Variants in MMP20 observed in about 807,000 individuals in gnomAD.
The protein encoded by MMP20 is matrix metallopeptidase 20.
MMP20 carries 50 observed loss-of-function variants against 51.8 expected under a neutral mutation model. The observed-to-expected ratio is 0.97, with a 90% CI of 0.77 to 1.22. The LOEUF is 1.22. Among genes scored for constraint, MMP20 ranks in the 50% most tolerant of loss-of-function variants. MMP20 has a pLI of 0.00. For missense variants in MMP20, 663 were observed against 601.4 expected, an observed-to-expected ratio of 1.10 and a Z score of -1.07; for synonymous variants, 244 against 216.2, an observed-to-expected ratio of 1.13 and a Z score of -1.13.
rs1289109724 is a variant in MMP20, at chr11:102,609,048, G to A, written c.700C>T (p.Leu234=). 1.9e-6 allele frequency: 3 copies of A among 1,613,474 alleles called. No individual in the cohort carries two copies. The highest frequency in any genetic ancestry group is 3.3e-5 in the Admixed American group (2 of 60,000). ...GCTGATGGGTCTGTGGAATGGGCCA[G>A]GCCCAGGGCATGGCCAAATTCATGA... ...AAHEFGHALG[L]AHSTDPSALM... The change falls in exon 5 of 10, where the codon CTG becomes TTG. Residue 234 remains leucine, a synonymous_variant. Transcript: ENST00000260228.
chr11:102,616,871 C>G lies in MMP20; in HGVS notation c.315G>C (p.Val105=). Residue 105 remains valine (V), a synonymous_variant, in exon 2 of 10, where the codon GTG becomes GTC. Transcript: ENST00000260228. The part of the protein sequence containing the change: ...IKKPRCGVPD[V]ANYRLFPGEP... The stretch of plus-strand genomic sequence containing the variant: ...CACCAGGGAAGAGGCGATAATTGGC[C>G]ACATCAGGAACTCCACAGCGAGGCT... 2 of 1,614,128 alleles carry G rather than the reference C, an allele frequency of 1.2e-6. No homozygotes were observed. Among genetic ancestry groups the G allele is most frequent in the South Asian group, 2.2e-5 (2 of 91,082 alleles).
intron 2 of MMP20, among the ~76,000 whole-genome samples, chr11:102,613,416 G>A (rs983337377): frequency 6.6e-6 from 1 of 152,172 alleles, no homozygotes; most frequent in Non-Finnish European, 1.5e-5. Flanking sequence ...GCACATAGCA[G>A]ATGCTTAGCA....
Position 102,579,093 on chromosome 11 carries a change from CA to C in MMP20, c.1296del (p.Glu433LysfsTer7). 1 of 1,613,842 alleles carries C rather than the reference CA, an allele frequency of 6.2e-7. No homozygotes were observed. Among genetic ancestry groups the C allele is most frequent in the Non-Finnish European group, 8.5e-7 (1 of 1,179,796 alleles). ...CCATTTACTCCTGAAAATTCTTCTT[CA>C]GTATTCTTTGGATAGTCTTTTTCCA... ...RKMEKDYPKN[T>X]EEEFSGVNGQ... On this transcript the variant is annotated frameshift_variant, in exon 9 of 10. Coordinates refer to ENST00000260228, the MANE Select transcript of MMP20 (RefSeq NM_004771.4). LOFTEE classifies it high-confidence loss of function.
rs1390598597 is a variant in MMP20, at chr11:102,611,957, A to C, written c.375-54T>G. 1.9e-6 allele frequency: 3 copies of C among 1,538,490 alleles called. No individual in the cohort carries two copies. In the African/African-American group the frequency reaches 4.1e-5, roughly 21 times the overall value. On this transcript the variant is annotated intron_variant, in intron 2 of 9. Coordinates refer to ENST00000260228, the MANE Select transcript of MMP20 (RefSeq NM_004771.4). ...TTTCAGTAACTGCTCCGAAGAAGGC[A>C]AGAATTATATGTTGTATTCAAAAAA...
At chr11:102,593,230 T>C (rs1859337854) in intron 8 of MMP20, among the ~76,000 whole-genome samples, 1 of 152,312 alleles carries the variant, frequency 6.6e-6, no homozygotes, top group Non-Finnish European at 1.5e-5. Flanking sequence ...GACCAAACAA[T>C]GGGATTATTG....
chr11:102,607,757 T>G (rs1014208653), intron 5 of MMP20: 4 of 151,974 alleles, frequency 2.6e-5, no homozygotes, highest in African/African-American at 9.7e-5. Flanking sequence ...ACAGTGGCCA[T>G]CCGAAGGCAG....
At chr11:102,588,956 C>A (rs976216232) in intron 8 of MMP20, among the ~76,000 whole-genome samples, 3 of 152,288 alleles carry the variant, frequency 2.0e-5, no homozygotes, top group Non-Finnish European at 4.4e-5. Context: ...AGTCTCGTTT[C>A]CCTCTAATTC....
intron 5 of MMP20, 56 bp downstream of exon 5, chr11:102,608,881 G>A (rs767890964): frequency 2.4e-5 from 38 of 1,563,244 alleles, no homozygotes; most frequent in Non-Finnish European, 3.3e-5. Context: ...CTTTAATTCG[G>A]AGACTGAATG....
Position 102,577,434 on chromosome 11 carries a change from A to C in MMP20, c.1352-8T>G. On this transcript the variant is annotated splice_polypyrimidine_tract_variant and splice_region_variant and intron_variant, in intron 9 of 9. Coordinates refer to ENST00000260228, the MANE Select transcript of MMP20 (RefSeq NM_004771.4). ...AAAAGAAGTAAATGTAGCCTAAAAG[A>C]GACAAAGTTGAAATTGGGTTACTGA... 6.3e-7 allele frequency: 1 copy of C among 1,598,246 alleles called. No homozygotes were observed. The highest frequency in any genetic ancestry group is 8.6e-7 in the Non-Finnish European group (1 of 1,165,618).
At chr11:102,586,294 T>C (rs928565993) in intron 8 of MMP20, among the ~76,000 whole-genome samples, 47 of 152,214 alleles carry the variant, frequency 3.1e-4, no homozygotes, top group African/African-American at 1.0e-3. Context: ...TCTTTGTGGA[T>C]AGTTTTTGAT....
At chr11:102,581,651 A>C (rs1479524346) in intron 8 of MMP20, among the ~76,000 whole-genome samples, 1 of 152,234 alleles carries the variant, frequency 6.6e-6, no homozygotes, top group African/African-American at 2.4e-5. Context: ...AGGACATGAA[A>C]TACAGCTTCA....
At chr11:102,600,863 T>C (rs1591615399) in intron 6 of MMP20, among the ~76,000 whole-genome samples, 2 of 152,280 alleles carry the variant, frequency 1.3e-5, no homozygotes, top group African/African-American at 4.8e-5. Flanking sequence ...CAAACTATCC[T>C]GGCCACTCAG....
At chr11:102,625,160 G>A in intron 1 of MMP20, 34 bp downstream of exon 1, 1 of 1,612,654 alleles carries the variant, frequency 6.2e-7, no homozygotes, top group East Asian at 2.2e-5. Flanking sequence ...CTAGGGCAGA[G>A]GAGCAAGAAG....
chr11:102,584,024 C>A (rs555838046), intron 8 of MMP20, among the ~76,000 whole-genome samples: 1 of 152,244 alleles, frequency 6.6e-6, no homozygotes, highest in East Asian at 1.9e-4. Flanking sequence ...TATATCCATT[C>A]AACACTTGAT....
At chr11:102,614,588 A>G (rs987084450) in intron 2 of MMP20, among the ~76,000 whole-genome samples, 1 of 152,170 alleles carries the variant, frequency 6.6e-6, no homozygotes, top group Non-Finnish European at 1.5e-5. Flanking sequence ...TATTCTTACT[A>G]TTTCAGAATC....
chr11:102,610,853 G>T (rs1859589870), intron 3 of MMP20, among the ~76,000 whole-genome samples: 1 of 152,018 alleles, frequency 6.6e-6, no homozygotes, highest in South Asian at 2.1e-4. Flanking sequence ...ACACACCGAG[G>T]ACTTCATGCA....
intron 7 of MMP20, among the ~76,000 whole-genome samples, chr11:102,594,038 T>C (rs181880968): frequency 6.6e-6 from 1 of 152,326 alleles, no homozygotes; most frequent in Admixed American, 6.5e-5. Context: ...ATAACTTCCA[T>C]TGGCTCGCCA....
intron 6 of MMP20, among the ~76,000 whole-genome samples, chr11:102,603,582 C>T (rs939112529): frequency 6.6e-6 from 1 of 152,168 alleles, no homozygotes; most frequent in African/African-American, 2.4e-5. Flanking sequence ...TAATATAGTG[C>T]TTTGCATAAT....
intron 6 of MMP20, 50 bp downstream of exon 6, chr11:102,606,485 G>T (rs1036649443): frequency 2.5e-6 from 4 of 1,611,898 alleles, no homozygotes; most frequent in Non-Finnish European, 3.4e-6. Context: ...ACGTTTGTCT[G>T]GGAGTGGAGA....
Sources: gnomAD v4.1 joint callset for allele counts (sites outside exome capture counted in the v4.1 genomes callset) on GRCh38, gnomAD v4.1.1 for gene constraint, MANE v1.5 for transcripts, NCBI Gene and HGNC (gene_info 2026-07-23, HGNC 2026-07-21) for gene names.